Variants in C12orf42 observed in about 807,000 individuals in gnomAD.
The protein encoded by C12orf42 is chromosome 12 open reading frame 42.
Under a neutral mutation model 21.6 loss-of-function variants are expected in C12orf42, and 25 were observed. That is an observed-to-expected ratio of 1.16 (90% CI 0.84 to 1.62). The LOEUF (loss-of-function observed/expected upper bound fraction) is 1.62. C12orf42 is among the 40% of genes most tolerant of loss of function. The pLI is 0.00. For synonymous variants in C12orf42, 174 were observed against 175.0 expected, an observed-to-expected ratio of 0.99 and a Z score of 0.05; for missense variants, 483 against 459.3, an observed-to-expected ratio of 1.05 and a Z score of -0.47.
chr12:103,428,049 A>G (rs765174928), intron 2 of C12orf42, among the ~76,000 whole-genome samples: 2 of 152,244 alleles, frequency 1.3e-5, no homozygotes, highest in Non-Finnish European at 2.9e-5. Context: ...ATGCCCTAAC[A>G]TCACAATTAA....
chr12:103,512,678 T>C, the C12orf42 span, among the ~76,000 whole-genome samples: 1 of 152,132 alleles, frequency 6.6e-6, no homozygotes, highest in African/African-American at 2.4e-5. Context: ...TAAGGATTGC[T>C]GTTGTGGTGG....
At chr12:103,219,208 T>A in the C12orf42 span, among the ~76,000 whole-genome samples, 1 of 152,230 alleles carries the variant, frequency 6.6e-6, no homozygotes, top group African/African-American at 2.4e-5. Flanking sequence ...TGTTTCCATA[T>A]GCAGAAAACT....
intron 4 of C12orf42, chr12:103,367,929 G>T: frequency 1.8e-6 from 1 of 568,406 alleles, no homozygotes; most frequent in Non-Finnish European, 2.7e-6. Flanking sequence ...CATATGTAAT[G>T]AATTTTATTA....
chr12:103,555,547 G>C, the C12orf42 span, among the ~76,000 whole-genome samples: 1 of 151,990 alleles, frequency 6.6e-6, no homozygotes, highest in African/African-American at 2.4e-5. Context: ...AAGCCCCCAG[G>C]GCCTGCCAAT....
At chr12:103,324,058 C>A (rs2040439750) in intron 4 of C12orf42, among the ~76,000 whole-genome samples, 1 of 152,130 alleles carries the variant, frequency 6.6e-6, no homozygotes, top group Non-Finnish European at 1.5e-5. Context: ...AGAAAATTTT[C>A]TTTAAAATGT....
chr12:103,413,655 C>T lies in C12orf42; in HGVS notation c.79-11980G>A, dbSNP rs528730759. On this transcript the variant is annotated intron_variant, in intron 2 of 5. Transcript: ENST00000548883. Reference sequence around the variant, plus strand: ...ATCTCCCACCCTTCACTTCAAGTCCCCAAAGTCCACTGTATCATTCTTATG... The same window carrying T: ...ATCTCCCACCCTTCACTTCAAGTCCTCAAAGTCCACTGTATCATTCTTATG... 2.6e-5 allele frequency among the ~76,000 whole-genome samples: 4 copies of T among 152,138 alleles called. No individual in the cohort carries two copies. The East Asian group carries it at 7.7e-4, about 29-fold the overall frequency.
the C12orf42 span, among the ~76,000 whole-genome samples, chr12:103,073,977 A>G: frequency 6.6e-6 from 1 of 152,164 alleles, no homozygotes; most frequent in Non-Finnish European, 1.5e-5. Flanking sequence ...TTTGAACCCA[A>G]TGAGAGCCAA....
chr12:103,360,746 A>G (rs2044023037), intron 4 of C12orf42, among the ~76,000 whole-genome samples: 1 of 152,142 alleles, frequency 6.6e-6, no homozygotes, highest in South Asian at 2.1e-4. Flanking sequence ...AACTATCAAA[A>G]GCAGGATAGG....
intron 3 of C12orf42, among the ~76,000 whole-genome samples, chr12:103,385,319 T>A (rs1381033335): frequency 6.6e-6 from 1 of 152,216 alleles, no homozygotes; most frequent in Non-Finnish European, 1.5e-5. Context: ...ATTGTCCCCT[T>A]GGTGAATAGA....
chr12:103,150,523 C>T, the C12orf42 span, among the ~76,000 whole-genome samples: 3 of 152,144 alleles, frequency 2.0e-5, no homozygotes, highest in Non-Finnish European at 4.4e-5. Context: ...ATAATGAATC[C>T]TTATAATTCT....
At chr12:103,340,023 TCC>T (rs1472003253) in intron 4 of C12orf42, among the ~76,000 whole-genome samples, 3 of 152,142 alleles carry the variant, frequency 2.0e-5, no homozygotes, top group Non-Finnish European at 2.9e-5. Flanking sequence ...AACAAGGTAA[TCC>T]CTAAGATTAT....
intron 3 of C12orf42, among the ~76,000 whole-genome samples, chr12:103,387,834 T>G (rs1006981431): frequency 1.3e-5 from 2 of 152,204 alleles, no homozygotes; most frequent in African/African-American, 4.8e-5. Flanking sequence ...CGCTCTGCCA[T>G]CATACCTTTT....
chr12:103,516,042 G>A, the C12orf42 span, among the ~76,000 whole-genome samples: 1 of 152,142 alleles, frequency 6.6e-6, no homozygotes, highest in Non-Finnish European at 1.5e-5. Context: ...TGGAAGTTTG[G>A]TTTAACAAAA....
intron 5 of C12orf42, among the ~76,000 whole-genome samples, chr12:103,270,995 A>G (rs1045995285): frequency 8.5e-5 from 13 of 152,092 alleles, no homozygotes; most frequent in African/African-American, 2.9e-4. Context: ...AAAACCAATA[A>G]TCCAGAAATG....
chr12:103,249,421 C>T (rs1356821), intron 10 of C12orf42, among the ~76,000 whole-genome samples: 147,012 of 152,114 alleles, frequency 0.97, 71,057 homozygotes, highest in East Asian at 1. Flanking sequence ...AAGATGATGG[C>T]TGACTAAGAC....
the C12orf42 span, among the ~76,000 whole-genome samples, chr12:103,172,816 G>C: frequency 6.6e-6 from 1 of 152,074 alleles, no homozygotes; most frequent in Non-Finnish European, 1.5e-5. Context: ...GCTAACATAA[G>C]CCTCTTTTGT....
At chr12:103,508,936 T>C in the C12orf42 span, among the ~76,000 whole-genome samples, 7 of 152,238 alleles carry the variant, frequency 4.6e-5, no homozygotes, top group Non-Finnish European at 8.8e-5. Context: ...TACTAAGTAT[T>C]TGAAGTACTT....
chr12:103,059,487 A>G, the C12orf42 span, among the ~76,000 whole-genome samples: 1 of 152,232 alleles, frequency 6.6e-6, no homozygotes, highest in African/African-American at 2.4e-5. Context: ...TGAGGGTAGT[A>G]TCATCCTGAT....
intron 4 of C12orf42, among the ~76,000 whole-genome samples, chr12:103,357,823 G>A (rs933687145): frequency 6.6e-6 from 1 of 152,158 alleles, no homozygotes; most frequent in Non-Finnish European, 1.5e-5. Flanking sequence ...GTAAGCCTGA[G>A]GTTGTTTACC....
Sources: gnomAD v4.1 joint callset for allele counts (sites outside exome capture counted in the v4.1 genomes callset) on GRCh38, gnomAD v4.1.1 for gene constraint, MANE v1.5 for transcripts, NCBI Gene and HGNC (gene_info 2026-07-23, HGNC 2026-07-21) for gene names.